Variants in SLC44A5 observed in about 807,000 individuals in gnomAD.
SLC44A5 encodes choline transporter-like protein 5.
In SLC44A5, 57 loss-of-function variants were observed where a neutral mutation model predicts 101.8. The ratio of observed to expected loss-of-function variants is 0.56; its 90% confidence interval spans 0.45 to 0.70. SLC44A5 has a LOEUF of 0.70. SLC44A5 is among the 30% of genes least tolerant of loss of function. The pLI, the probability that SLC44A5 is intolerant of heterozygous loss-of-function variation, is 0.00. For missense variants in SLC44A5, 737 were observed against 853.1 expected (o/e 0.86, Z 1.70); for synonymous variants, 281 against 290.9 (o/e 0.97, Z 0.35).
chr1:75,718,048 A>T, the SLC44A5 span, among the ~76,000 whole-genome samples: 1 of 152,230 alleles, frequency 6.6e-6, no homozygotes, highest in Admixed American at 6.5e-5. Context: ...GGGCTAGAAC[A>T]CAAAAATGTA....
chr1:75,472,066 G>C, intron 2 of SLC44A5, among the ~76,000 whole-genome samples: 1 of 128,824 alleles, frequency 7.8e-6, no homozygotes, highest in East Asian at 2.6e-4. Flanking sequence ...AATAGGCAGA[G>C]CATATCCCCC....
chr1:75,709,163 T>A, the SLC44A5 span, among the ~76,000 whole-genome samples: 1 of 152,212 alleles, frequency 6.6e-6, no homozygotes, highest in Non-Finnish European at 1.5e-5. Context: ...AGTCCATGAC[T>A]CTTTAACCTA....
chr1:75,715,337 G>A, the SLC44A5 span, among the ~76,000 whole-genome samples: 5 of 152,050 alleles, frequency 3.3e-5, no homozygotes, highest in African/African-American at 9.7e-5. Flanking sequence ...CAAATAGCCA[G>A]GGCAACCCTA....
At chr1:75,607,506 C>T (rs780106158) in intron 1 of SLC44A5, among the ~76,000 whole-genome samples, 10 of 152,028 alleles carry the variant, frequency 6.6e-5, no homozygotes, top group Non-Finnish European at 1.5e-4. Flanking sequence ...TATATGTACA[C>T]GTTGTATAAT....
the SLC44A5 span, among the ~76,000 whole-genome samples, chr1:75,674,824 C>A: frequency 6.6e-6 from 1 of 152,334 alleles, no homozygotes; most frequent in Non-Finnish European, 1.5e-5. Context: ...TAATTTTCTG[C>A]ATATGGCTAG....
At chr1:75,348,904 C>G (rs530950797) in intron 3 of SLC44A5, among the ~76,000 whole-genome samples, 2 of 152,110 alleles carry the variant, frequency 1.3e-5, no homozygotes, top group African/African-American at 4.8e-5. Context: ...AATCAAGAAA[C>G]GAAAGTCACA....
At chr1:75,655,572 G>A in the SLC44A5 span, among the ~76,000 whole-genome samples, 1 of 152,200 alleles carries the variant, frequency 6.6e-6, no homozygotes, top group South Asian at 2.1e-4. Flanking sequence ...AACCCAGCAT[G>A]AAACCAGCTT....
At chr1:75,422,276 A>G (rs1364401892) in intron 2 of SLC44A5, among the ~76,000 whole-genome samples, 3 of 152,214 alleles carry the variant, frequency 2.0e-5, no homozygotes, top group Non-Finnish European at 4.4e-5. Context: ...CTATCAGGCT[A>G]GTTATGGACA....
the SLC44A5 span, among the ~76,000 whole-genome samples, chr1:75,718,642 A>G: frequency 6.6e-6 from 1 of 152,206 alleles, no homozygotes; most frequent in East Asian, 1.9e-4. Flanking sequence ...TATACTCATG[A>G]GCTGCGAGCC....
chr1:75,445,595 T>C (rs1470514802), intron 2 of SLC44A5, among the ~76,000 whole-genome samples: 4 of 150,024 alleles, frequency 2.7e-5, no homozygotes, highest in Non-Finnish European at 4.4e-5. Flanking sequence ...TTTTCTCCTC[T>C]TCCTGACCTC....
the SLC44A5 span, among the ~76,000 whole-genome samples, chr1:75,625,949 C>T: frequency 2.6e-3 from 394 of 152,190 alleles, 1 homozygote; most frequent in Non-Finnish European, 4.0e-3. Context: ...AGCTTCTGTG[C>T]GCTTCTAGTT....
chr1:75,333,746 GGA>G (rs1657231987), intron 4 of SLC44A5, among the ~76,000 whole-genome samples: 1 of 152,076 alleles, frequency 6.6e-6, no homozygotes, highest in African/African-American at 2.4e-5. Context: ...TCTGGAAAAA[GGA>G]GAGTGTGTCT....
At chr1:75,262,869 C>T (rs1388986955) in intron 6 of SLC44A5, among the ~76,000 whole-genome samples, 1 of 152,160 alleles carries the variant, frequency 6.6e-6, no homozygotes, top group Non-Finnish European at 1.5e-5. Context: ...CTGACAAAAA[C>T]AAGCAATCTG....
chr1:75,657,814 T>C, the SLC44A5 span, among the ~76,000 whole-genome samples: 1 of 151,976 alleles, frequency 6.6e-6, no homozygotes, highest in Admixed American at 6.6e-5. Context: ...TAGACTGCAA[T>C]ACAACAATAG....
rs181311834 is a variant in SLC44A5 at position 75,609,536 on chromosome 1, T to C, written c.-70+1504A>G. ...TGTGCTGTTGGGAGATTTTAGGGCT[T>C]TTGTATTCTCTTTATCACTCTGATT... On this transcript the variant is annotated intron_variant, in intron 1 of 23. Coordinates refer to ENST00000370859, the MANE Select transcript of SLC44A5 (RefSeq NM_001130058.2). 5.2e-4 allele frequency among the ~76,000 whole-genome samples: 79 copies of C among 152,152 alleles called. 1 individual carries two copies. The highest frequency in any genetic ancestry group is 3.4e-3 in the Admixed American group (52 of 15,264).
At chr1:75,606,709 G>T (rs747533057) in intron 1 of SLC44A5, among the ~76,000 whole-genome samples, 10 of 151,732 alleles carry the variant, frequency 6.6e-5, no homozygotes, top group Non-Finnish European at 1.2e-4. Context: ...AATTAATTAA[G>T]GTCTTCAATG....
chr1:75,582,583 G>T, intron 1 of SLC44A5: 1 of 388,836 alleles, frequency 2.6e-6, no homozygotes, highest in East Asian at 4.9e-5. Flanking sequence ...CTGCCAATAT[G>T]AGGACAGAAG....
At chr1:75,644,859 T>C in the SLC44A5 span, among the ~76,000 whole-genome samples, 1 of 151,234 alleles carries the variant, frequency 6.6e-6, no homozygotes. Context: ...ATTGTTCAAT[T>C]CCCACCTATG....
intron 10 of SLC44A5, among the ~76,000 whole-genome samples, chr1:75,238,254 C>G (rs1447929676): frequency 6.7e-6 from 1 of 150,216 alleles, no homozygotes; most frequent in Non-Finnish European, 1.5e-5. Context: ...GAGATATGGC[C>G]CCACTGCTCT....
Sources: gnomAD v4.1 joint callset for allele counts (sites outside exome capture counted in the v4.1 genomes callset) on GRCh38, gnomAD v4.1.1 for gene constraint, MANE v1.5 for transcripts, NCBI Gene and HGNC (gene_info 2026-07-23, HGNC 2026-07-21) for gene names.